Variants in CFAP47 observed in about 807,000 individuals in gnomAD.
CFAP47 encodes the protein cilia- and flagella-associated protein 47.
In CFAP47, 29 loss-of-function variants were observed where a neutral mutation model predicts 148.1. The observed-to-expected ratio is 0.20, with a 90% CI of 0.15 to 0.27. The LOEUF (loss-of-function observed/expected upper bound fraction) is 0.27. Among genes scored for constraint, CFAP47 ranks in the 10% least tolerant of loss-of-function variants. CFAP47 has a pLI of 1.00. For missense variants in CFAP47, 1,872 were observed against 1,697.5 expected, an observed-to-expected ratio of 1.10 and a Z score of -1.81; for synonymous variants, 664 against 577.3, an observed-to-expected ratio of 1.15 and a Z score of -2.15.
intron 10 of CFAP47, among the ~76,000 whole-genome samples, chrX:35,968,454 A>G (rs1394487537): frequency 8.9e-6 from 1 of 111,866 alleles, no homozygotes; most frequent in Non-Finnish European, 1.9e-5. Context: ...GCATCCCGAC[A>G]TGCTTATCTG....
At chrX:36,052,483 GT>G (rs887273363) in intron 26 of CFAP47, among the ~76,000 whole-genome samples, 4 of 111,804 alleles carry the variant, frequency 3.6e-5, no homozygotes, top group Non-Finnish European at 7.5e-5. Context: ...TTTCATTGAG[GT>G]TTTAATTAAT....
chrX:36,071,531 C>T (rs141108777), intron 27 of CFAP47, among the ~76,000 whole-genome samples: 1,826 of 111,752 alleles, frequency 0.016, 46 homozygotes, highest in African/African-American at 0.056. Flanking sequence ...TTCTTTTTTA[C>T]GCTAAAGTTG....
At chrX:36,136,589 G>T (rs890386108) in intron 33 of CFAP47, among the ~76,000 whole-genome samples, 1 of 110,960 alleles carries the variant, frequency 9.0e-6, no homozygotes, top group African/African-American at 3.3e-5. Context: ...TACATCTTAG[G>T]TTCTCACCAC....
intron 59 of CFAP47, among the ~76,000 whole-genome samples, chrX:36,351,305 T>G (rs1941741142): frequency 8.9e-6 from 1 of 112,205 alleles, no homozygotes; most frequent in African/African-American, 3.2e-5. Flanking sequence ...TTTTAAATAT[T>G]ATAAATTATC....
intron 46 of CFAP47, among the ~76,000 whole-genome samples, chrX:36,229,656 A>G (rs945099798): frequency 2.8e-5 from 3 of 109,033 alleles, no homozygotes; most frequent in Non-Finnish European, 5.7e-5. Context: ...CATGTGCACA[A>G]TCTGCAGGTT....
chrX:36,142,218 C>T (rs1939155165), intron 35 of CFAP47, among the ~76,000 whole-genome samples: 1 of 111,159 alleles, frequency 9.0e-6, no homozygotes, highest in Non-Finnish European at 1.9e-5. Context: ...CAGCATAAAA[C>T]TCAAGATCTT....
chrX:36,076,690 C>T (rs1415827546), intron 29 of CFAP47, among the ~76,000 whole-genome samples: 1 of 111,275 alleles, frequency 9.0e-6, no homozygotes, highest in Non-Finnish European at 1.9e-5. Context: ...TGTAGGTTGT[C>T]TGTTTACTCT....
At chrX:36,299,527 A>T (rs1941277756) in intron 52 of CFAP47, among the ~76,000 whole-genome samples, 1 of 111,695 alleles carries the variant, frequency 9.0e-6, no homozygotes, top group African/African-American at 3.2e-5. Context: ...TCTTAAATAC[A>T]AATAATTCAC....
chrX:35,960,377 T>G, intron 8 of CFAP47, among the ~76,000 whole-genome samples: 1 of 59,734 alleles, frequency 1.7e-5, no homozygotes, highest in Non-Finnish European at 2.4e-5. Context: ...CTTGCTAATT[T>G]CTGAAAAAAA....
At chrX:36,132,486 G>A (rs1938966262) in intron 33 of CFAP47, among the ~76,000 whole-genome samples, 1 of 111,913 alleles carries the variant, frequency 8.9e-6, no homozygotes, top group Non-Finnish European at 1.9e-5. Flanking sequence ...TCCATTTGAT[G>A]TAGGTGCTGC....
intron 33 of CFAP47, among the ~76,000 whole-genome samples, chrX:36,112,782 C>T (rs1298460784): frequency 9.0e-6 from 1 of 111,479 alleles, no homozygotes; most frequent in Non-Finnish European, 1.9e-5. Context: ...TCTAGGTGCT[C>T]CTGTGTTGGG....
chrX:36,299,747 G>A (rs1293631646), intron 52 of CFAP47, among the ~76,000 whole-genome samples: 1 of 111,434 alleles, frequency 9.0e-6, no homozygotes, highest in Non-Finnish European at 1.9e-5. Context: ...GCATATAAGT[G>A]AAATTTGTCT....
chrX:36,361,644 T>C (rs782045061), intron 61 of CFAP47, 143 bp downstream of exon 61: 7 of 286,865 alleles, frequency 2.4e-5, no homozygotes, highest in Non-Finnish European at 4.3e-5. Flanking sequence ...CTAGATTACA[T>C]CTAGCTACAA....
chrX:35,966,660 A>G lies in CFAP47; in HGVS notation c.1506A>G (p.Gln502=), dbSNP rs773803582. The G allele has an allele frequency of 1.0e-5, 12 of 1,180,886 alleles. No homozygotes were observed. In the Admixed American group the frequency reaches 1.1e-4, roughly 11 times the overall value. ...GTTTAGTGGCAGAAGAAGATTTGCA[A>G]TCTTTGTCGGTAAAATCTTTCCATC... ...IIGLVAEEDL[Q]SLSVKSFHHV... is the part of the protein sequence containing the mutation. The change falls in exon 9 of 64, where the codon CAA becomes CAG. Residue 502 remains glutamine, a synonymous_variant. Coordinates refer to ENST00000378653, the MANE Select transcript of CFAP47 (RefSeq NM_001304548.2).
At chrX:36,241,377 G>T (rs1297249286) in intron 48 of CFAP47, among the ~76,000 whole-genome samples, 1 of 111,710 alleles carries the variant, frequency 9.0e-6, no homozygotes, top group Non-Finnish European at 1.9e-5. Flanking sequence ...CCAGCTGACT[G>T]CCAGGCCAAG....
At chrX:36,375,407 A>G (rs782345071) in intron 62 of CFAP47, among the ~76,000 whole-genome samples, 2 of 112,007 alleles carry the variant, frequency 1.8e-5, no homozygotes, top group South Asian at 7.4e-4. Context: ...TATAATTTCA[A>G]TGTTCTAAAA....
chrX:36,048,897 T>C (rs1400278779), intron 26 of CFAP47, among the ~76,000 whole-genome samples: 1 of 111,520 alleles, frequency 9.0e-6, no homozygotes, highest in Non-Finnish European at 1.9e-5. Flanking sequence ...AATGGCATTT[T>C]TGGTGTTACG....
intron 6 of CFAP47, 55 bp downstream of exon 6, chrX:35,952,018 C>T: frequency 9.2e-7 from 1 of 1,085,868 alleles, no homozygotes; most frequent in South Asian, 2.5e-5. Flanking sequence ...AGTATATTAA[C>T]CACACTTTAA....
chrX:36,211,678 G>T, intron 45 of CFAP47: 1 of 190,800 alleles, frequency 5.2e-6, no homozygotes, highest in Non-Finnish European at 1.0e-5. Context: ...AAGAAGAGGA[G>T]GAAGATGAAG....
Sources: allele counts gnomAD v4.1 joint callset (sites outside exome capture counted in the v4.1 genomes callset), GRCh38; gene constraint gnomAD v4.1.1; transcripts MANE v1.5; gene names NCBI Gene and HGNC (gene_info 2026-07-23, HGNC 2026-07-21).